The following SLC9A9 variants were observed in gnomAD, a reference collection of about 807,000 sequenced individuals.
The protein encoded by SLC9A9 is solute carrier family 9 member A9.
Under a neutral mutation model 77.8 loss-of-function variants are expected in SLC9A9, and 62 were observed. The ratio of observed to expected loss-of-function variants is 0.80; its 90% confidence interval spans 0.65 to 0.98. The LOEUF (loss-of-function observed/expected upper bound fraction) is 0.98. Ranked by LOEUF, SLC9A9 falls within the 50% of genes least tolerant of loss-of-function variation. SLC9A9 has a pLI of 0.00. For missense variants in SLC9A9, 775 were observed against 774.9 expected (o/e 1.00, Z 0.00); for synonymous variants, 320 against 283.5 (o/e 1.13, Z -1.29).
At chr3:143,593,798 T>C (rs2108680602) in intron 6 of SLC9A9, among the ~76,000 whole-genome samples, 1 of 152,342 alleles carries the variant, frequency 6.6e-6, no homozygotes, top group South Asian at 2.1e-4. Context: ...TAATTAGAGA[T>C]TATAGCACCT....
At chr3:143,605,838 TA>T (rs1273553854) in intron 6 of SLC9A9, among the ~76,000 whole-genome samples, 1 of 152,184 alleles carries the variant, frequency 6.6e-6, no homozygotes, top group African/African-American at 2.4e-5. Context: ...TGGTTCCAGA[TA>T]CAAGTACAAA....
intron 13 of SLC9A9, among the ~76,000 whole-genome samples, chr3:143,379,449 A>T (rs1277605960): frequency 2.0e-5 from 3 of 152,240 alleles, no homozygotes; most frequent in Admixed American, 1.3e-4. Context: ...GATAAGCATT[A>T]TCCCAATGTG....
rs961023793 is a variant in SLC9A9 at position 143,500,145 on chromosome 3, A to T, written c.1090-4697T>A. ...TTTGTAGGAAGATTTTTAATTACAG[A>T]TACAAATATTTAATAAATATGGGCT... On this transcript the variant is annotated intron_variant, in intron 9 of 15. Transcript: ENST00000316549. 2.0e-5 allele frequency among the ~76,000 whole-genome samples: 3 copies of T among 152,138 alleles called. No individual in the cohort carries two copies. The East Asian group carries it at 5.8e-4, about 29-fold the overall frequency.
At chr3:143,820,822 A>AT (rs56293110) in intron 2 of SLC9A9, among the ~76,000 whole-genome samples, 87,695 of 151,496 alleles carry the variant, frequency 0.58, 27,403 homozygotes, top group Non-Finnish European at 0.69. Flanking sequence ...AATATTGGCT[A>AT]TTTTTTTTAT....
At chr3:143,495,593 G>A in intron 9 of SLC9A9, 145 bp from the exon 10 acceptor site, 1 of 642,836 alleles carries the variant, frequency 1.6e-6, no homozygotes, top group Admixed American at 2.5e-5. Context: ...CTCTGAAGGA[G>A]GATGGAGGCC....
chr3:143,423,248 T>TACACACACACAC lies in SLC9A9; in HGVS notation c.1470-41146_1470-41135dup, dbSNP rs377276883. 2.5e-3 allele frequency among the ~76,000 whole-genome samples: 359 copies of TACACACACACAC among 143,830 alleles called. 1 individual carries two copies. Among genetic ancestry groups the TACACACACACAC allele is most frequent in the Middle Eastern group, 7.1e-3 (2 of 282 alleles). 94.4% of individuals were successfully genotyped at this position (143,830 alleles called of 152,430 possible). A position where few individuals can be genotyped will look rare whatever the true frequency, so the allele number is the denominator to read the frequency against. Reference sequence around the variant, plus strand: ...ACACACACGTGTACACACGCGCGTGTACACACACACACACACACACACACA... The same window carrying TACACACACACAC: ...ACACACACGTGTACACACGCGCGTGTACACACACACACACACACACACACACACACACACACA... On this transcript the variant is annotated intron_variant, in intron 12 of 15. Coordinates refer to ENST00000316549, the MANE Select transcript of SLC9A9 (RefSeq NM_173653.4).
chr3:143,540,954 A>C (rs959203575), intron 9 of SLC9A9, among the ~76,000 whole-genome samples: 2 of 152,258 alleles, frequency 1.3e-5, no homozygotes, highest in African/African-American at 4.8e-5. Context: ...ATGAAGAAGC[A>C]GAAAACCTAA....
intron 4 of SLC9A9, among the ~76,000 whole-genome samples, chr3:143,768,603 C>A: frequency 6.6e-6 from 1 of 152,128 alleles, no homozygotes; most frequent in East Asian, 1.9e-4. Flanking sequence ...ATTACGCATA[C>A]AATAAGACAC....
intron 14 of SLC9A9, among the ~76,000 whole-genome samples, chr3:143,356,853 A>T (rs1274096188): frequency 2.6e-5 from 4 of 152,152 alleles, no homozygotes; most frequent in Non-Finnish European, 5.9e-5. Context: ...CTTAGGTGCT[A>T]AGTCAAAGAC....
intron 9 of SLC9A9, among the ~76,000 whole-genome samples, chr3:143,523,362 C>T (rs991322807): frequency 1.3e-5 from 2 of 152,022 alleles, no homozygotes; most frequent in Non-Finnish European, 2.9e-5. Flanking sequence ...TACTCCAAGA[C>T]CCTGAAGAAC....
intron 2 of SLC9A9, among the ~76,000 whole-genome samples, chr3:143,816,281 G>A (rs908612942): frequency 1.3e-5 from 2 of 152,186 alleles, no homozygotes; most frequent in African/African-American, 4.8e-5. Flanking sequence ...ATAGCTCACT[G>A]TAACCTTGAA....
Position 143,266,381 on chromosome 3 carries a change from C to T in SLC9A9, c.*321G>A. Reference sequence around the variant, plus strand: ...TGAAGGGCCTGGAGAGCCGCATTCGCAGCAGAAATGCCCTGAAGACCCAGC... The same window carrying T: ...TGAAGGGCCTGGAGAGCCGCATTCGTAGCAGAAATGCCCTGAAGACCCAGC... On this transcript the variant is annotated 3_prime_UTR_variant, in exon 16 of 16. Transcript: ENST00000316549. The T allele has an allele frequency of 7.3e-6, 4 of 549,420 alleles. No individual in the cohort carries two copies. The highest frequency in any genetic ancestry group is 4.9e-4 in the Middle Eastern group (1 of 2,046). 34.0% of individuals were successfully genotyped at this position (549,420 alleles called of 1,614,324 possible).
chr3:143,406,411 C>T (rs1219265363), intron 12 of SLC9A9, among the ~76,000 whole-genome samples: 2 of 151,344 alleles, frequency 1.3e-5, no homozygotes. Context: ...GAATCTCACT[C>T]TTGTCGCCCA....
chr3:143,735,543 C>T (rs992034448), intron 4 of SLC9A9, among the ~76,000 whole-genome samples: 1 of 152,122 alleles, frequency 6.6e-6, no homozygotes, highest in Non-Finnish European at 1.5e-5. Context: ...CTGGCATACA[C>T]GAGTTCAGGA....
rs529240441 is a variant in SLC9A9, at chr3:143,680,574, T to C, written c.649+12618A>G. Among the ~76,000 whole-genome samples, 9 of 152,276 alleles carry C rather than the reference T, an allele frequency of 5.9e-5. No homozygotes were observed. In the South Asian group the frequency reaches 1.9e-3, roughly 32 times the overall value. ...ATCAAATAGTTGTAAGTTTTATAGATATTGAATTTTATTTCTAGAAACTTG... is the reference window on the plus strand; with the variant it reads ...ATCAAATAGTTGTAAGTTTTATAGACATTGAATTTTATTTCTAGAAACTTG... On this transcript the variant is annotated intron_variant, in intron 5 of 15. Coordinates refer to ENST00000316549, the MANE Select transcript of SLC9A9 (RefSeq NM_173653.4).
At chr3:143,560,848 G>A (rs1412723466) in intron 8 of SLC9A9, among the ~76,000 whole-genome samples, 1 of 152,110 alleles carries the variant, frequency 6.6e-6, no homozygotes, top group African/African-American at 2.4e-5. Context: ...CTAAATAAAT[G>A]TATCCACTGG....
intron 6 of SLC9A9, among the ~76,000 whole-genome samples, chr3:143,585,039 T>G (rs1299755045): frequency 6.6e-6 from 1 of 152,120 alleles, no homozygotes; most frequent in African/African-American, 2.4e-5. Flanking sequence ...CCCGGCCTGG[T>G]CTCAGTCTTT....
intron 13 of SLC9A9, among the ~76,000 whole-genome samples, chr3:143,376,607 T>A (rs920228029): frequency 6.6e-6 from 1 of 152,216 alleles, no homozygotes; most frequent in Non-Finnish European, 1.5e-5. Context: ...TTCCTTATTA[T>A]CATTCCTACT....
intron 11 of SLC9A9, among the ~76,000 whole-genome samples, chr3:143,483,907 G>A (rs2035612462): frequency 2.0e-5 from 3 of 149,498 alleles, no homozygotes; most frequent in South Asian, 2.1e-4. Context: ...TAAGGGCAGG[G>A]CCCTCATCTT....
Sources: allele counts gnomAD v4.1 joint callset (sites outside exome capture counted in the v4.1 genomes callset), GRCh38; gene constraint gnomAD v4.1.1; transcripts MANE v1.5; gene names NCBI Gene and HGNC (gene_info 2026-07-23, HGNC 2026-07-21).